Variants in SV2C observed in about 807,000 individuals in gnomAD.
SV2C encodes synaptic vesicle glycoprotein 2C.
Under a neutral mutation model 79.7 loss-of-function variants are expected in SV2C, and 49 were observed. That is an observed-to-expected ratio of 0.61 (90% CI 0.49 to 0.78). SV2C has a LOEUF of 0.78. Ranked by LOEUF, SV2C falls within the 30% of genes least tolerant of loss-of-function variation. The pLI, the probability that SV2C is intolerant of heterozygous loss-of-function variation, is 0.00. For missense variants in SV2C, 833 were observed against 912.9 expected (o/e 0.91, Z 1.13); for synonymous variants, 334 against 333.2 (o/e 1.00, Z -0.03).
the SV2C span, among the ~76,000 whole-genome samples, chr5:76,063,302 C>G: frequency 6.6e-6 from 1 of 152,108 alleles, no homozygotes; most frequent in Non-Finnish European, 1.5e-5. Context: ...ATTCTTTCCT[C>G]ATTTTCCTTG....
the SV2C span, among the ~76,000 whole-genome samples, chr5:76,010,027 C>A: frequency 4.0e-5 from 5 of 126,216 alleles, no homozygotes; most frequent in South Asian, 1.3e-3. Flanking sequence ...TGTTTTCTCC[C>A]ACTAACCTGC....
intron 2 of SV2C, among the ~76,000 whole-genome samples, chr5:76,179,389 T>C (rs1192422988): frequency 6.6e-6 from 1 of 152,250 alleles, no homozygotes; most frequent in Non-Finnish European, 1.5e-5. Context: ...GTTTTTTGCT[T>C]GTTTTTGAGT....
chr5:76,082,514 C>CCCTCTCTCTCTCTCTTCTCT (rs1554031384), upstream of SV2C: 20 of 152,016 alleles, frequency 1.3e-4, no homozygotes, highest in African/African-American at 4.3e-4. Context: ...CTCTCTCTCT[C>CCCTCTCTCTCTCTCTTCTCT]CCTCTCTCTC....
chr5:76,168,618 C>T (rs77454315), intron 2 of SV2C, among the ~76,000 whole-genome samples: 2,463 of 152,278 alleles, frequency 0.016, 55 homozygotes, highest in African/African-American at 0.051. Context: ...GCTCTCTCTC[C>T]GTTCATTTTG....
chr5:76,007,792 A>G, the SV2C span, among the ~76,000 whole-genome samples: 1 of 152,276 alleles, frequency 6.6e-6, no homozygotes, highest in East Asian at 1.9e-4. Context: ...TTTGTCTCCA[A>G]ATGAATGAGA....
rs1163033001 is a variant in SV2C, at chr5:76,223,500, T to C, written c.913+13613T>C. 1.3e-4 allele frequency among the ~76,000 whole-genome samples: 14 copies of C among 109,316 alleles called. 1 individual carries two copies. Among genetic ancestry groups the C allele is most frequent in the African/African-American group, 4.7e-4 (14 of 29,642 alleles). 71.7% of individuals were successfully genotyped at this position (109,316 alleles called of 152,430 possible). ...ATATATATATATATATATATATGTA[T>C]ATGTATATAAAGATTTCATAAGAGA... On this transcript the variant is annotated intron_variant, in intron 4 of 12. Transcript: ENST00000502798.
intron 1 of SV2C, among the ~76,000 whole-genome samples, chr5:76,118,825 T>C (rs921720978): frequency 6.6e-6 from 1 of 152,036 alleles, no homozygotes; most frequent in African/African-American, 2.4e-5. Flanking sequence ...CTACTAAAAA[T>C]ACCAAAAGTT....
At chr5:75,931,372 G>A in the SV2C span, among the ~76,000 whole-genome samples, 1 of 152,190 alleles carries the variant, frequency 6.6e-6, no homozygotes, top group East Asian at 1.9e-4. Context: ...ATGAGTCTCA[G>A]TCTTCCTGTC....
At chr5:75,883,662 G>T in the SV2C span, among the ~76,000 whole-genome samples, 1 of 126,538 alleles carries the variant, frequency 7.9e-6, no homozygotes, top group Non-Finnish European at 1.6e-5. Flanking sequence ...ACAGGAAGGG[G>T]AACATCACAC....
At chr5:76,017,284 G>A in the SV2C span, among the ~76,000 whole-genome samples, 2 of 151,950 alleles carry the variant, frequency 1.3e-5, no homozygotes, top group East Asian at 1.9e-4. Context: ...TATCACTGAA[G>A]TGTTGTTGTT....
At chr5:76,278,865 C>T (rs913423000) in intron 4 of SV2C, among the ~76,000 whole-genome samples, 8 of 152,316 alleles carry the variant, frequency 5.3e-5, no homozygotes, top group Admixed American at 5.2e-4. Flanking sequence ...ATAACTCTGG[C>T]TGCTATAGGA....
intron 2 of SV2C, among the ~76,000 whole-genome samples, chr5:76,165,748 T>C (rs1239044308): frequency 1.3e-5 from 2 of 152,154 alleles, no homozygotes; most frequent in Non-Finnish European, 2.9e-5. Context: ...GTTGGTGTAT[T>C]TGTTGTTAGG....
the SV2C span, among the ~76,000 whole-genome samples, chr5:75,977,475 G>T: frequency 6.6e-6 from 1 of 152,198 alleles, no homozygotes; most frequent in Non-Finnish European, 1.5e-5. Context: ...CTATTTTATG[G>T]ATGAGATGTT....
the SV2C span, among the ~76,000 whole-genome samples, chr5:75,964,534 C>T: frequency 2.0e-5 from 3 of 152,136 alleles, no homozygotes; most frequent in African/African-American, 7.2e-5. Context: ...CCACTCCCTC[C>T]CTGGTTTTAG....
At chr5:76,254,916 C>T (rs1389652741) in intron 4 of SV2C, among the ~76,000 whole-genome samples, 2 of 152,128 alleles carry the variant, frequency 1.3e-5, no homozygotes, top group Non-Finnish European at 2.9e-5. Flanking sequence ...ACCCCTTTTC[C>T]TGGTACAAAT....
intron 2 of SV2C, among the ~76,000 whole-genome samples, chr5:76,162,958 C>A (rs548921249): frequency 6.6e-6 from 1 of 152,338 alleles, no homozygotes; most frequent in African/African-American, 2.4e-5. Flanking sequence ...TGAAGAGACT[C>A]TGATGAAGCC....
the SV2C span, among the ~76,000 whole-genome samples, chr5:75,895,212 A>G: frequency 2.0e-5 from 3 of 152,264 alleles, no homozygotes; most frequent in South Asian, 6.2e-4. Context: ...TTCCCATGCT[A>G]TGTTATTTAA....
intron 4 of SV2C, among the ~76,000 whole-genome samples, chr5:76,259,253 AT>A (rs1251286636): frequency 1.3e-5 from 2 of 152,106 alleles, no homozygotes; most frequent in African/African-American, 4.8e-5. Context: ...GTTTAACTTT[AT>A]AAAAACCTGT....
intron 4 of SV2C, among the ~76,000 whole-genome samples, chr5:76,268,004 C>T (rs1308792863): frequency 1.3e-5 from 2 of 152,186 alleles, no homozygotes; most frequent in Non-Finnish European, 2.9e-5. Flanking sequence ...TTTCTAGTAA[C>T]AGAGGAGGGG....
Sources: gnomAD v4.1 joint callset for allele counts (sites outside exome capture counted in the v4.1 genomes callset) on GRCh38, gnomAD v4.1.1 for gene constraint, MANE v1.5 for transcripts, NCBI Gene and HGNC (gene_info 2026-07-23, HGNC 2026-07-21) for gene names.